The following MTOR variants were observed in gnomAD, a reference collection of about 807,000 sequenced individuals.
The protein encoded by MTOR is mechanistic target of rapamycin kinase.
A neutral mutation model predicts 319.8 loss-of-function variants in MTOR; 70 were observed. The observed-to-expected ratio is 0.22, with a 90% CI of 0.18 to 0.27. The LOEUF (loss-of-function observed/expected upper bound fraction) is 0.27. Ranked by LOEUF, MTOR falls within the 10% of genes least tolerant of loss-of-function variation. MTOR has a pLI of 1.00. For missense variants in MTOR, 1,890 were observed against 3,274.4 expected (o/e 0.58, Z 10.32); for synonymous variants, 1,183 against 1,211.4 (o/e 0.98, Z 0.49).
chr1:11,241,404 G>C, intron 10 of MTOR, 149 bp downstream of exon 10: 1 of 739,240 alleles, frequency 1.4e-6, no homozygotes, highest in Admixed American at 3.9e-5. Context: ...ATGAAACTAG[G>C]ATTCAGTACT....
chr1:11,160,453 T>C (rs1184762706), intron 29 of MTOR, among the ~76,000 whole-genome samples: 2 of 152,152 alleles, frequency 1.3e-5, no homozygotes, highest in Non-Finnish European at 1.5e-5. Context: ...AAGTATCTAA[T>C]GAGGATTAAC....
chr1:11,251,293 T>G (rs1052891676), intron 6 of MTOR, among the ~76,000 whole-genome samples: 1 of 152,202 alleles, frequency 6.6e-6, no homozygotes, highest in African/African-American at 2.4e-5. Context: ...CGCTCCTGCC[T>G]CAGGGACCAC....
chr1:11,249,708 CAT>C (rs1390086314), intron 6 of MTOR, among the ~76,000 whole-genome samples: 1 of 141,622 alleles, frequency 7.1e-6, no homozygotes, highest in Non-Finnish European at 1.5e-5. Context: ...GGACACAGCA[CAT>C]GTTTCAGAGA....
At chr1:11,194,970 T>C (rs1447780551) in intron 28 of MTOR, 3 of 1,613,962 alleles carry the variant, frequency 1.9e-6, no homozygotes, top group Admixed American at 1.7e-5. Context: ...TGGATCTACC[T>C]ACTCCCTCAA....
At chr1:11,255,915 T>C (rs1219759799) in intron 5 of MTOR, 77 bp downstream of exon 5, 4 of 1,376,292 alleles carry the variant, frequency 2.9e-6, no homozygotes, top group Admixed American at 2.1e-5. Flanking sequence ...GGCAAGGGCT[T>C]GTGGCTGCCC....
chr1:11,186,666 ACCATTTTAGT>A (rs1571103682), intron 28 of MTOR, among the ~76,000 whole-genome samples: 2 of 152,314 alleles, frequency 1.3e-5, no homozygotes, highest in East Asian at 3.9e-4. Context: ...AGAAGGCAAT[ACCATTTTAGT>A]CCTCCACATC....
intron 28 of MTOR, among the ~76,000 whole-genome samples, chr1:11,174,960 G>C (rs538593386): frequency 6.6e-6 from 1 of 152,302 alleles, no homozygotes; most frequent in East Asian, 1.9e-4. Flanking sequence ...AGAAACTGAG[G>C]CTTGTCAGCA....
intron 28 of MTOR, chr1:11,195,101 G>A: frequency 6.8e-7 from 1 of 1,477,214 alleles, no homozygotes. Flanking sequence ...GACAGGAAGA[G>A]AGTGTTAGAA....
chr1:11,157,746 G>A (rs1644361796), intron 29 of MTOR, among the ~76,000 whole-genome samples: 1 of 152,152 alleles, frequency 6.6e-6, no homozygotes, highest in South Asian at 2.1e-4. Flanking sequence ...CTTTCCTGAT[G>A]GGGCCAGAAA....
chr1:11,186,924 T>C (rs537070918), intron 28 of MTOR, among the ~76,000 whole-genome samples: 1 of 152,198 alleles, frequency 6.6e-6, no homozygotes, highest in Non-Finnish European at 1.5e-5. Flanking sequence ...CTTCAAGTAT[T>C]GCCTTATGTT....
chr1:11,151,162 C>T (rs1413659704), intron 30 of MTOR, among the ~76,000 whole-genome samples: 3 of 152,162 alleles, frequency 2.0e-5, no homozygotes, highest in Non-Finnish European at 2.9e-5. Context: ...ATGCTGAAGT[C>T]AATCCCTGCA....
At chr1:11,194,699 A>G in intron 28 of MTOR, 1 of 1,613,092 alleles carries the variant, frequency 6.2e-7, no homozygotes, top group Non-Finnish European at 8.5e-7. Flanking sequence ...GTTCAGGTAC[A>G]AGCTCATAAT....
intron 28 of MTOR, among the ~76,000 whole-genome samples, chr1:11,197,386 A>G (rs1376710949): frequency 6.6e-6 from 1 of 152,194 alleles, no homozygotes; most frequent in East Asian, 1.9e-4. Context: ...AATCAGAAGT[A>G]AAAACTGCAA....
chr1:11,180,708 T>C (rs896624093), intron 28 of MTOR, among the ~76,000 whole-genome samples: 1 of 152,280 alleles, frequency 6.6e-6, no homozygotes, highest in African/African-American at 2.4e-5. Flanking sequence ...TGATTTCCCT[T>C]TGGGGACAGA....
chr1:11,209,287 C>A lies in MTOR; in HGVS notation c.3801+25G>T, dbSNP rs763699417. The stretch of plus-strand genomic sequence containing the variant: ...TGAGAAGAGCAGAGCTCTCCTTTCC[C>A]AGTCACCTGAAACAATGGACTTGCC... On this transcript the variant is annotated intron_variant, in intron 25 of 57. Transcript: ENST00000361445. 1.8e-5 allele frequency: 29 copies of A among 1,613,850 alleles called. No individual in the cohort carries two copies. The South Asian group carries it at 3.1e-4, about 17-fold the overall frequency.
At chr1:11,247,600 T>A (rs753856510) in intron 8 of MTOR, 25 bp downstream of exon 8, 2 of 1,598,318 alleles carry the variant, frequency 1.3e-6, no homozygotes, top group South Asian at 2.2e-5. Flanking sequence ...AGATGGGTAA[T>A]GATGTCTTCC....
At chr1:11,112,152 G>A (rs1641920030) in intron 54 of MTOR, among the ~76,000 whole-genome samples, 2 of 152,106 alleles carry the variant, frequency 1.3e-5, no homozygotes, top group Admixed American at 6.5e-5. Context: ...TGTGAGTCGC[G>A]CTCCTAGAAA....
rs1650495224 is a variant in MTOR at position 11,257,059 on chromosome 1, T to C, written c.378A>G (p.Ala126=). The C allele has an allele frequency of 1.9e-6, 3 of 1,614,122 alleles. No homozygotes were observed. The East Asian group carries it at 6.7e-5, about 36-fold the overall frequency. Residue 126 remains alanine (A), a synonymous_variant, in exon 4 of 58, where the codon GCA becomes GCG. Transcript: ENST00000361445. ...PSNDPVVMEM[A]SKAIGRLAMA... is the part of the protein sequence containing the mutation. ...TGGCAAGACGGCCAATGGCCTTGGA[T>C]GCCATTTCCATGACAACTGGGTCAT... is the stretch of plus-strand genomic sequence containing the variant.
intron 57 of MTOR, among the ~76,000 whole-genome samples, chr1:11,107,750 A>G (rs1344869822): frequency 6.6e-6 from 1 of 152,168 alleles, no homozygotes; most frequent in Non-Finnish European, 1.5e-5. Context: ...TGGGCAATTA[A>G]TCAAAGCACA....
Sources: gnomAD v4.1 joint callset for allele counts (sites outside exome capture counted in the v4.1 genomes callset) on GRCh38, gnomAD v4.1.1 for gene constraint, MANE v1.5 for transcripts, NCBI Gene and HGNC (gene_info 2026-07-23, HGNC 2026-07-21) for gene names.